GNAI2: variants seen among roughly 807,000 people sequenced by gnomAD.
GNAI2 encodes the protein G protein subunit alpha i2.
Under a neutral mutation model 36.8 loss-of-function variants are expected in GNAI2, and 4 were observed. The observed-to-expected ratio is 0.11, with a 90% CI of 0.05 to 0.25. The LOEUF (loss-of-function observed/expected upper bound fraction) is 0.25. Among genes scored for constraint, GNAI2 ranks in the 10% least tolerant of loss-of-function variants. The pLI is 1.00. For missense variants in GNAI2, 230 were observed against 481.3 expected, an observed-to-expected ratio of 0.48 and a Z score of 4.89; for synonymous variants, 194 against 194.1, an observed-to-expected ratio of 1.00 and a Z score of 0.01.
intron 6 of GNAI2, 21 bp from the exon 7 acceptor site, chr3:50,256,916 A>G (rs782752710): frequency 6.2e-7 from 1 of 1,613,832 alleles, no homozygotes; most frequent in South Asian, 1.1e-5. Flanking sequence ...GCTAGCGTTG[A>G]CCTTGCTATT....
At chr3:50,239,343 T>C (rs1575440700) in intron 1 of GNAI2, among the ~76,000 whole-genome samples, 2 of 152,320 alleles carry the variant, frequency 1.3e-5, no homozygotes, top group East Asian at 3.9e-4. Flanking sequence ...CTTTAAAACT[T>C]TACTCTGGGA....
upstream of GNAI2, chr3:50,227,488 C>G (rs900133140): frequency 7.9e-6 from 2 of 254,098 alleles, no homozygotes; most frequent in African/African-American, 4.5e-5. The surrounding 1 kb of genome is among the most constrained non-coding windows in gnomAD (Gnocchi z 5.9). Flanking sequence ...CGCGCCGCAC[C>G]CCAGGCCCGC....
chr3:50,245,218 G>A (rs1169347945), intron 1 of GNAI2, among the ~76,000 whole-genome samples: 11 of 152,092 alleles, frequency 7.2e-5, no homozygotes, highest in African/African-American at 2.2e-4. Flanking sequence ...GGCTGGTCTC[G>A]AACTCCTGAC....
chr3:50,235,985 T>C (rs1553700281), upstream of GNAI2: 1 of 164,000 alleles, frequency 6.1e-6, no homozygotes, highest in East Asian at 1.8e-4. Context: ...ACCACCCCTA[T>C]TGCCTTTTCT....
intron 1 of GNAI2, among the ~76,000 whole-genome samples, chr3:50,237,930 G>C (rs1168273423): frequency 1.3e-5 from 2 of 152,246 alleles, no homozygotes; most frequent in African/African-American, 2.4e-5. Context: ...CAGCATGTAT[G>C]TCCATTATGG....
At chr3:50,251,363 G>A in intron 1 of GNAI2, 1 of 996,132 alleles carries the variant, frequency 1.0e-6, no homozygotes, top group Non-Finnish European at 1.2e-6. Flanking sequence ...ACCAGCTAAA[G>A]AGAAATATGG....
In GNAI2 at chr3:50,255,877, C is replaced by T. The variant is rs1036884389; in HGVS notation, c.465-315C>T. 2.0e-5 allele frequency among the ~76,000 whole-genome samples: 3 copies of T among 151,712 alleles called. No individual in the cohort carries two copies. Among genetic ancestry groups the T allele is most frequent in the Non-Finnish European group, 4.4e-5 (3 of 67,910 alleles). Reference sequence around the variant, plus strand: ...ACCATCCTGGCCAACATGGTGAAACCCCGTCTCTACTAAAAATACAAAAAT... The same window carrying T: ...ACCATCCTGGCCAACATGGTGAAACTCCGTCTCTACTAAAAATACAAAAAT... On this transcript the variant is annotated intron_variant, in intron 4 of 8. Transcript: ENST00000313601. This position sits in a 1 kb window ranked among gnomAD's most constrained non-coding sequence, Gnocchi z 4.0.
upstream of GNAI2, chr3:50,236,111 C>T: frequency 2.0e-6 from 2 of 1,004,566 alleles, no homozygotes; most frequent in Non-Finnish European, 2.5e-6. This position sits in a 1 kb window ranked among gnomAD's most constrained non-coding sequence, Gnocchi z 4.0. Flanking sequence ...GCCTGCAAGC[C>T]CGCCCCGGCC....
chr3:50,227,438 G>A, upstream of GNAI2: 2 of 344,342 alleles, frequency 5.8e-6, no homozygotes, highest in Non-Finnish European at 1.0e-5. The surrounding 1 kb of genome is among the most constrained non-coding windows in gnomAD (Gnocchi z 5.9). Flanking sequence ...CGCGAGGCGG[G>A]GGCTGGGGCG....
intron 4 of GNAI2, 23 bp from the exon 5 acceptor site, chr3:50,256,169 A>AACCCCC: frequency 2.7e-6 from 2 of 735,362 alleles, no homozygotes. Context: ...GCCCCCACTG[A>AACCCCC]CCCTCCCACC....
rs1361502612 is a variant in GNAI2, at chr3:50,254,553, C to A, written c.464+1369C>A. On this transcript the variant is annotated intron_variant, in intron 4 of 8. Transcript: ENST00000313601. ...TGAATGCTCTTGTGAATATGTACCC[C>A]CTACAGGAGCTGTGGAGTCACAGCC... 2.0e-5 allele frequency among the ~76,000 whole-genome samples: 3 copies of A among 152,290 alleles called. No homozygotes were observed. The East Asian group carries it at 5.8e-4, about 29-fold the overall frequency.
intron 7 of GNAI2, among the ~76,000 whole-genome samples, 168 bp downstream of exon 7, chr3:50,257,258 G>A (rs1447507525): frequency 6.6e-6 from 1 of 152,214 alleles, no homozygotes; most frequent in Non-Finnish European, 1.5e-5. Context: ...GTGCACACAT[G>A]AAGCCCTTAA....
At chr3:50,251,742 A>G in intron 1 of GNAI2, 1 of 1,312,698 alleles carries the variant, frequency 7.6e-7, no homozygotes, top group South Asian at 1.3e-5. Flanking sequence ...CCAGCTGCAC[A>G]GGTTGGCGAG....
chr3:50,252,265 C>T lies in GNAI2; in HGVS notation c.161+123C>T, dbSNP rs929084655. 39 of 1,393,412 alleles carry T rather than the reference C, an allele frequency of 2.8e-5. 1 individual carries two copies. The highest frequency in any genetic ancestry group is 3.9e-5 in the Non-Finnish European group (39 of 989,218). 86.3% of individuals were successfully genotyped at this position (1,393,412 alleles called of 1,614,324 possible). On this transcript the variant is annotated intron_variant, in intron 2 of 8. Transcript: ENST00000313601. The surrounding 1 kb of genome is among the most constrained non-coding windows in gnomAD (Gnocchi z 4.1). ...GCCAGGCCCAGAATCTTCTGAGAAGCAGAAGGACCCTCAGGTCCCAGTGGG... is the reference window on the plus strand; with the variant it reads ...GCCAGGCCCAGAATCTTCTGAGAAGTAGAAGGACCCTCAGGTCCCAGTGGG...
chr3:50,257,667 C>A lies in GNAI2; in HGVS notation c.1045C>A (p.Leu349Met). The A allele has an allele frequency of 6.3e-7, 1 of 1,589,406 alleles. No individual in the cohort carries two copies. The change falls in exon 8 of 9, where the codon CTG becomes ATG. Residue 349 changes from leucine to methionine, a missense_variant. Leu to Met is a conservative substitution (Grantham distance 15, BLOSUM62 2). Coordinates refer to ENST00000313601, the MANE Select transcript of GNAI2 (RefSeq NM_002070.4). ...CACCGATGTCATCATCAAGAACAAC[C>A]TGAAGGACTGCGGCCTCTTCTGAGG... The part of the protein sequence containing the change: ...AVTDVIIKNN[L>M]KDCGLF
chr3:50,237,072 G>C (rs937751765), intron 1 of GNAI2, among the ~76,000 whole-genome samples: 1 of 152,134 alleles, frequency 6.6e-6, no homozygotes, highest in South Asian at 2.1e-4. Context: ...CTGCCCTCCA[G>C]ATCCTTCTCT....
rs1553702554 is a variant in GNAI2 at position 50,252,177 on chromosome 3, C to G, written c.161+35C>G. On this transcript the variant is annotated intron_variant, in intron 2 of 8. Transcript: ENST00000313601. This position sits in a 1 kb window ranked among gnomAD's most constrained non-coding sequence, Gnocchi z 4.1. The stretch of plus-strand genomic sequence containing the variant: ...GTATTCCAGAGGCAGTGCTCAAACT[C>G]CAGCTTCCCCTCTTCACCCTCTGGG... 2 of 1,599,212 alleles carry G rather than the reference C, an allele frequency of 1.3e-6. No individual in the cohort carries two copies. The highest frequency in any genetic ancestry group is 1.7e-6 in the Non-Finnish European group (2 of 1,167,252).
intron 1 of GNAI2, among the ~76,000 whole-genome samples, chr3:50,243,088 G>C (rs782194892): frequency 6.6e-6 from 1 of 152,128 alleles, no homozygotes; most frequent in African/African-American, 2.4e-5. Flanking sequence ...GAGCCCAAGG[G>C]CCCCCCAGGG....
rs1700737235 is a variant in GNAI2 at position 50,257,692 on chromosome 3, G to C, written c.*2G>C. The stretch of plus-strand genomic sequence containing the variant: ...CTGAAGGACTGCGGCCTCTTCTGAG[G>C]GGCAGCGGGGCCTGGCGGGATGGTG... On this transcript the variant is annotated 3_prime_UTR_variant, in exon 8 of 9. Transcript: ENST00000313601. 3 of 1,549,136 alleles carry C rather than the reference G, an allele frequency of 1.9e-6. No individual in the cohort carries two copies. The highest frequency in any genetic ancestry group is 1.4e-5 in the African/African-American group (1 of 73,274).
Sources: allele counts gnomAD v4.1 joint callset (sites outside exome capture counted in the v4.1 genomes callset), GRCh38; gene constraint gnomAD v4.1.1; non-coding constraint Gnocchi (gnomAD v3.1); transcripts MANE v1.5; gene names NCBI Gene and HGNC (gene_info 2026-07-23, HGNC 2026-07-21).